Variants in LRRC7 observed in about 807,000 individuals in gnomAD.
LRRC7 encodes the protein leucine-rich repeat-containing protein 7.
LRRC7 carries 23 observed loss-of-function variants against 175.7 expected under a neutral mutation model. The observed-to-expected ratio is 0.13, with a 90% confidence interval of 0.09 to 0.19. The LOEUF (loss-of-function observed/expected upper bound fraction) is 0.19. Ranked by LOEUF, LRRC7 falls within the 10% of genes least tolerant of loss-of-function variation. The pLI is 1.00. For synonymous variants in LRRC7, 685 were observed against 680.9 expected (o/e 1.01, Z -0.09); for missense variants, 1,354 against 1,904.7 (o/e 0.71, Z 5.38).
chr1:69,865,505 C>T (rs1290078329), intron 7 of LRRC7, among the ~76,000 whole-genome samples: 5 of 41,140 alleles, frequency 1.2e-4, no homozygotes, highest in African/African-American at 4.8e-4. Flanking sequence ...GAAACGGAGT[C>T]CCGCTCAGTG....
chr1:69,740,223 A>G (rs2100852210), intron 2 of LRRC7, among the ~76,000 whole-genome samples: 1 of 152,178 alleles, frequency 6.6e-6, no homozygotes, highest in East Asian at 1.9e-4. Flanking sequence ...GTTCTAGAGG[A>G]TGAAAGTCCA....
rs983620739 is a variant in LRRC7 at position 69,892,453 on chromosome 1, A to AATCC, written c.648-39052_648-39049dup. 3.3e-5 allele frequency among the ~76,000 whole-genome samples: 5 copies of AATCC among 152,320 alleles called. No homozygotes were observed. The East Asian group carries it at 9.6e-4, about 29-fold the overall frequency. ...ATGTTGGAGCAACACCACGCAGATA[A>AATCC]ATCCAATGATGTATTTAAATATGAT... is the stretch of plus-strand genomic sequence containing the variant. On this transcript the variant is annotated intron_variant, in intron 7 of 26. Transcript: ENST00000651989.
intron 4 of LRRC7, among the ~76,000 whole-genome samples, chr1:69,811,320 T>G (rs61784013): frequency 0.077 from 11,656 of 152,178 alleles, 475 homozygotes; most frequent in South Asian, 0.099. Context: ...ACACTGTTGG[T>G]GGGAGTGTAA....
chr1:69,651,202 T>C (rs1445276792), intron 1 of LRRC7, among the ~76,000 whole-genome samples: 2 of 152,210 alleles, frequency 1.3e-5, no homozygotes, highest in African/African-American at 4.8e-5. Flanking sequence ...ATTTCAAATC[T>C]GCATATTTAT....
rs112443771 is a variant in LRRC7 at position 69,722,546 on chromosome 1, A to G, written c.101-37645A>G. Among the ~76,000 whole-genome samples the G allele has an allele frequency of 7.1e-3, 1,077 of 152,150 alleles. 18 individuals are homozygous for G. Among genetic ancestry groups the G allele is most frequent in the African/African-American group, 0.024 (1,012 of 41,548 alleles). On this transcript the variant is annotated intron_variant, in intron 2 of 26. Coordinates refer to ENST00000651989, the MANE Select transcript of LRRC7 (RefSeq NM_001370785.2). ...ACTTTCTAAATTTAATAGATGGATAATTCACTCAAAAGCTGTGATGGTTTA... is the reference window on the plus strand; with the variant it reads ...ACTTTCTAAATTTAATAGATGGATAGTTCACTCAAAAGCTGTGATGGTTTA...
chr1:69,737,013 C>A (rs12036373), intron 2 of LRRC7, among the ~76,000 whole-genome samples: 94,051 of 151,900 alleles, frequency 0.62, 29,820 homozygotes, highest in East Asian at 0.89. Flanking sequence ...CCTGCCAGTG[C>A]CAAACTCAAA....
chr1:69,964,507 G>A (rs1321932646), intron 8 of LRRC7, among the ~76,000 whole-genome samples: 1 of 152,128 alleles, frequency 6.6e-6, no homozygotes, highest in African/African-American at 2.4e-5. Flanking sequence ...AAAACACTTA[G>A]AAAAGTGCCT....
chr1:69,826,459 T>C (rs957057365), intron 5 of LRRC7, among the ~76,000 whole-genome samples: 4 of 152,142 alleles, frequency 2.6e-5, no homozygotes, highest in African/African-American at 9.7e-5. Flanking sequence ...TATGGAGTAG[T>C]GACAGAAGTC....
chr1:69,721,406 TTC>T, intron 2 of LRRC7, among the ~76,000 whole-genome samples: 1 of 151,762 alleles, frequency 6.6e-6, no homozygotes, highest in East Asian at 1.9e-4. Flanking sequence ...CTGATTTTTT[TTC>T]TGTCTCCATA....
chr1:70,058,431 A>C (rs1315998479), intron 23 of LRRC7, among the ~76,000 whole-genome samples: 2 of 152,228 alleles, frequency 1.3e-5, no homozygotes, highest in African/African-American at 2.4e-5. Context: ...TGAATACTTT[A>C]AGAACTGCTG....
chr1:70,069,020 G>A (rs1340117249), intron 23 of LRRC7, among the ~76,000 whole-genome samples: 1 of 152,100 alleles, frequency 6.6e-6, no homozygotes, highest in African/African-American at 2.4e-5. Context: ...TAAATTACAG[G>A]TTTTATTTCT....
At chr1:70,048,402 A>G (rs994060321) in intron 22 of LRRC7, among the ~76,000 whole-genome samples, 12 of 152,214 alleles carry the variant, frequency 7.9e-5, no homozygotes, top group African/African-American at 2.9e-4. Context: ...CTGTATTGTC[A>G]CTGTTTCACT....
intron 2 of LRRC7, among the ~76,000 whole-genome samples, chr1:69,724,350 C>T (rs1170489455): frequency 6.6e-6 from 1 of 152,068 alleles, no homozygotes; most frequent in East Asian, 1.9e-4. Context: ...TCAAAAAACA[C>T]ATGAAAACCT....
chr1:69,635,272 G>T (rs1197181791), intron 1 of LRRC7, among the ~76,000 whole-genome samples: 1 of 151,964 alleles, frequency 6.6e-6, no homozygotes, highest in African/African-American at 2.4e-5. Flanking sequence ...CTTATTTATG[G>T]CTGCATAGTA....
intron 4 of LRRC7, among the ~76,000 whole-genome samples, chr1:69,825,413 T>A (rs1303597639): frequency 2.0e-5 from 3 of 152,160 alleles, no homozygotes; most frequent in Non-Finnish European, 4.4e-5. Flanking sequence ...AGCAGCACTA[T>A]AACTTAATAA....
chr1:69,976,704 T>C (rs146186428), intron 8 of LRRC7, among the ~76,000 whole-genome samples: 289 of 152,310 alleles, frequency 1.9e-3, no homozygotes, highest in Middle Eastern at 6.8e-3. Flanking sequence ...TTCATTGGAC[T>C]CTAGTCACCC....
At chr1:69,968,729 C>T (rs766306852) in intron 8 of LRRC7, among the ~76,000 whole-genome samples, 32 of 152,174 alleles carry the variant, frequency 2.1e-4, no homozygotes, top group Non-Finnish European at 3.7e-4. Flanking sequence ...CAAGCAAATG[C>T]TGAGAGAATT....
intron 26 of LRRC7, among the ~76,000 whole-genome samples, chr1:70,121,059 C>T (rs962321255): frequency 3.3e-5 from 5 of 151,968 alleles, no homozygotes; most frequent in African/African-American, 1.2e-4. Context: ...ACAGATGGAA[C>T]TCTGAAACTG....
At chr1:69,959,859 C>A (rs2101840854) in intron 8 of LRRC7, among the ~76,000 whole-genome samples, 1 of 152,174 alleles carries the variant, frequency 6.6e-6, no homozygotes, top group African/African-American at 2.4e-5. Flanking sequence ...GGTGGACAAG[C>A]TTTTTGATGT....
Sources: gnomAD v4.1 joint callset for allele counts (sites outside exome capture counted in the v4.1 genomes callset) on GRCh38, gnomAD v4.1.1 for gene constraint, MANE v1.5 for transcripts, NCBI Gene and HGNC (gene_info 2026-07-23, HGNC 2026-07-21) for gene names.